Variants in AK5 observed in about 807,000 individuals in gnomAD.
AK5 encodes the protein adenylate kinase isoenzyme 5.
Under a neutral mutation model 69.5 loss-of-function variants are expected in AK5, and 27 were observed. That is an observed-to-expected ratio of 0.39 (90% CI 0.29 to 0.54). The LOEUF is 0.54. Ranked by LOEUF, AK5 falls within the 20% of genes least tolerant of loss-of-function variation. The pLI, the probability that AK5 is intolerant of heterozygous loss-of-function variation, is 0.71. For missense variants in AK5, 531 were observed against 700.4 expected (o/e 0.76, Z 2.73); for synonymous variants, 260 against 244.4 (o/e 1.06, Z -0.60).
intron 6 of AK5, among the ~76,000 whole-genome samples, chr1:77,378,228 T>A (rs1647369938): frequency 6.6e-6 from 1 of 152,316 alleles, no homozygotes; most frequent in East Asian, 1.9e-4. Context: ...TGAATAACAT[T>A]TAATTTTTTT....
At chr1:77,445,402 AC>A (rs1270201070) in intron 8 of AK5, among the ~76,000 whole-genome samples, 5 of 152,034 alleles carry the variant, frequency 3.3e-5, no homozygotes, top group Non-Finnish European at 5.9e-5. Flanking sequence ...CTTTTCATGT[AC>A]CTGTTGGCCA....
At chr1:77,543,234 T>C (rs1298670082) in intron 13 of AK5, among the ~76,000 whole-genome samples, 1 of 152,208 alleles carries the variant, frequency 6.6e-6, no homozygotes, top group Non-Finnish European at 1.5e-5. Flanking sequence ...TTTCACCGCT[T>C]GGTTGCAAAA....
At chr1:77,487,633 A>C (rs1655685021) in intron 10 of AK5, among the ~76,000 whole-genome samples, 1 of 152,232 alleles carries the variant, frequency 6.6e-6, no homozygotes, top group Non-Finnish European at 1.5e-5. Flanking sequence ...CTCTGGGTAA[A>C]GTTCTCTCAT....
At chr1:77,387,069 A>G (rs1271697729) in intron 6 of AK5, among the ~76,000 whole-genome samples, 1 of 152,192 alleles carries the variant, frequency 6.6e-6, no homozygotes, top group Non-Finnish European at 1.5e-5. Flanking sequence ...TAAATGTGCT[A>G]CATTTTCTTT....
At chr1:77,486,399 A>T in intron 10 of AK5, 47 bp downstream of exon 10, 1 of 1,478,006 alleles carries the variant, frequency 6.8e-7, no homozygotes, top group Non-Finnish European at 9.4e-7. Context: ...TGCTAATAAT[A>T]AGAATTTGGT....
At chr1:77,443,687 G>GTGTC (rs1652474856) in intron 8 of AK5, among the ~76,000 whole-genome samples, 1 of 149,888 alleles carries the variant, frequency 6.7e-6, no homozygotes, top group South Asian at 2.1e-4. Context: ...CTGTGTGTGT[G>GTGTC]TGTGTGTGTG....
intron 5 of AK5, among the ~76,000 whole-genome samples, chr1:77,300,675 A>G (rs1659292186): frequency 6.6e-6 from 1 of 152,156 alleles, no homozygotes; most frequent in Admixed American, 6.5e-5. Flanking sequence ...GACACTATCC[A>G]GAGTTAGTTC....
chr1:77,524,378 C>A (rs1251879860), intron 12 of AK5, among the ~76,000 whole-genome samples: 1 of 152,216 alleles, frequency 6.6e-6, no homozygotes, highest in Non-Finnish European at 1.5e-5. Context: ...TACATACATA[C>A]TGCCAGCCAT....
At chr1:77,299,649 G>A (rs1401131363) in intron 5 of AK5, among the ~76,000 whole-genome samples, 5 of 152,142 alleles carry the variant, frequency 3.3e-5, no homozygotes, top group African/African-American at 1.2e-4. Flanking sequence ...ATCTGATGAA[G>A]TTTTGTTATT....
At chr1:77,552,645 C>G (rs1659878519) in intron 13 of AK5, among the ~76,000 whole-genome samples, 1 of 152,154 alleles carries the variant, frequency 6.6e-6, no homozygotes, top group African/African-American at 2.4e-5. Flanking sequence ...TAAAAGAAAT[C>G]CTGGACAAGG....
At position 77,525,411 on chromosome 1, in the gene AK5, T is replaced by C. The variant is rs569462706; in HGVS notation, c.1428+3468T>C. ...AAAAGAGGTTATTTTGGCTCATGGT[T>C]CTGCAGCCTGTACAGGAAGCATGGC... On this transcript the variant is annotated intron_variant, in intron 12 of 13. Coordinates refer to ENST00000354567, the MANE Select transcript of AK5 (RefSeq NM_174858.3). 2.6e-5 allele frequency among the ~76,000 whole-genome samples: 4 copies of C among 152,348 alleles called. No homozygotes were observed. In the East Asian group the frequency reaches 5.8e-4, roughly 22 times the overall value.
intron 2 of AK5, among the ~76,000 whole-genome samples, chr1:77,291,719 G>GTTCT (rs1658698615): frequency 6.6e-6 from 1 of 152,146 alleles, no homozygotes; most frequent in Non-Finnish European, 1.5e-5. Flanking sequence ...CTAGATCCCA[G>GTTCT]GGATACAGAG....
At chr1:77,534,328 G>A (rs569490702) in intron 12 of AK5, among the ~76,000 whole-genome samples, 1 of 152,272 alleles carries the variant, frequency 6.6e-6, no homozygotes, top group South Asian at 2.1e-4. Flanking sequence ...TTAAGAGAAG[G>A]ATATGGAGAT....
chr1:77,532,194 G>A (rs1183553640), intron 12 of AK5: 1 of 154,380 alleles, frequency 6.5e-6, no homozygotes, highest in African/African-American at 2.4e-5. Context: ...CGGGCTGAAG[G>A]GCTCCTCAAG....
intron 13 of AK5, among the ~76,000 whole-genome samples, chr1:77,551,188 A>G (rs532666754): frequency 6.5e-4 from 98 of 151,662 alleles, no homozygotes; most frequent in Non-Finnish European, 9.6e-4. Context: ...AAAACAAAAC[A>G]AAACAAAAAT....
intron 5 of AK5, among the ~76,000 whole-genome samples, chr1:77,312,158 C>T (rs1779175): frequency 0.99 from 150,072 of 152,282 alleles, 73,998 homozygotes; most frequent in Middle Eastern, 1. Context: ...TACATGATTA[C>T]AATTCACGTC....
chr1:77,374,498 A>G (rs540511719), intron 6 of AK5, among the ~76,000 whole-genome samples: 4 of 148,170 alleles, frequency 2.7e-5, no homozygotes, highest in African/African-American at 7.5e-5. Flanking sequence ...AATATGTTTT[A>G]TATTCCTGGG....
intron 6 of AK5, among the ~76,000 whole-genome samples, chr1:77,407,357 T>A (rs1031541290): frequency 3.3e-5 from 5 of 152,180 alleles, no homozygotes; most frequent in African/African-American, 7.2e-5. Flanking sequence ...ACAACATTGA[T>A]GAATCTCAGA....
intron 10 of AK5, among the ~76,000 whole-genome samples, chr1:77,491,786 T>C (rs1490807215): frequency 2.6e-5 from 4 of 152,212 alleles, no homozygotes; most frequent in African/African-American, 9.6e-5. Context: ...TAAAGCACTT[T>C]ATAATGTTAT....
Sources: gnomAD v4.1 joint callset for allele counts (sites outside exome capture counted in the v4.1 genomes callset) on GRCh38, gnomAD v4.1.1 for gene constraint, MANE v1.5 for transcripts, NCBI Gene and HGNC (gene_info 2026-07-23, HGNC 2026-07-21) for gene names.